PCMTD1: variants seen among roughly 807,000 people sequenced by gnomAD.
PCMTD1 encodes protein-L-isoaspartate O-methyltransferase domain-containing protein 1.
PCMTD1 carries 12 observed loss-of-function variants against 37.6 expected under a neutral mutation model. The observed-to-expected ratio is 0.32, with a 90% CI of 0.20 to 0.52. The LOEUF (loss-of-function observed/expected upper bound fraction) is 0.52. PCMTD1 is among the 20% of genes least tolerant of loss of function. The pLI is 0.97. For synonymous variants in PCMTD1, 117 were observed against 135.8 expected (o/e 0.86, Z 0.96); for missense variants, 235 against 421.3 (o/e 0.56, Z 3.87).
chr8:51,829,676 A>T (rs2037972097), intron 5 of PCMTD1, among the ~76,000 whole-genome samples: 1 of 152,128 alleles, frequency 6.6e-6, no homozygotes. Flanking sequence ...AGGCCGAGGC[A>T]GGAGAATTGC....
At chr8:51,853,914 T>C (rs1292096998) in intron 2 of PCMTD1, among the ~76,000 whole-genome samples, 1 of 152,164 alleles carries the variant, frequency 6.6e-6, no homozygotes, top group Non-Finnish European at 1.5e-5. Context: ...TGTTCCTCTC[T>C]GCAAGCTTGT....
At chr8:51,839,695 A>G (rs1420996400) in intron 3 of PCMTD1, 1 of 840,710 alleles carries the variant, frequency 1.2e-6, no homozygotes, top group African/African-American at 1.8e-5. Context: ...GGGGCTGACA[A>G]TTTGCACACC....
chr8:51,838,534 A>G (rs1182301637), intron 3 of PCMTD1, among the ~76,000 whole-genome samples: 2 of 152,022 alleles, frequency 1.3e-5, no homozygotes, highest in African/African-American at 4.8e-5. Context: ...ATATTTATAT[A>G]TATATTTATA....
chr8:51,898,087 A>G (rs887236754), intron 1 of PCMTD1, among the ~76,000 whole-genome samples: 4 of 152,190 alleles, frequency 2.6e-5, no homozygotes, highest in African/African-American at 7.2e-5. Flanking sequence ...AGGAGCAAGC[A>G]GTACTTTTGT....
At chr8:51,857,804 A>G (rs2038413344) in intron 2 of PCMTD1, among the ~76,000 whole-genome samples, 1 of 152,178 alleles carries the variant, frequency 6.6e-6, no homozygotes, top group Admixed American at 6.5e-5. Flanking sequence ...AATTCCCTAA[A>G]GTGTGCTTTA....
chr8:51,820,752 A>C, intron 5 of PCMTD1, 34 bp from the exon 6 acceptor site: 1 of 1,531,732 alleles, frequency 6.5e-7, no homozygotes, highest in Non-Finnish European at 8.8e-7. Context: ...GAAAGAAAAT[A>C]TTAACAATAA....
At position 51,818,156 on chromosome 8, in the gene PCMTD1, T is replaced by G; in HGVS notation, c.*2195A>C. ...ATCTGCATTAATAGATAAAAAGGCT[T>G]TAGCTTTAATTTTCATTTTTCATTT... On this transcript the variant is annotated 3_prime_UTR_variant, in exon 6 of 6. Transcript: ENST00000522514. 1 of 313,370 alleles carries G rather than the reference T, an allele frequency of 3.2e-6. No homozygotes were observed. Among genetic ancestry groups the G allele is most frequent in the Non-Finnish European group, 6.2e-6 (1 of 161,538 alleles). The allele number at this position is 313,370 out of a possible 1,614,324, so 19.4% of individuals were successfully genotyped here.
At chr8:51,876,554 A>G (rs2038715775) in intron 1 of PCMTD1, among the ~76,000 whole-genome samples, 1 of 152,236 alleles carries the variant, frequency 6.6e-6, no homozygotes, top group African/African-American at 2.4e-5. Flanking sequence ...CTAGCCAAAG[A>G]AAAGAAACTA....
intron 1 of PCMTD1, among the ~76,000 whole-genome samples, chr8:51,896,778 G>GA (rs1397358409): frequency 6.7e-6 from 1 of 148,820 alleles, no homozygotes; most frequent in South Asian, 2.1e-4. Flanking sequence ...AAAGAAAGCA[G>GA]AAAAAACCGT....
intron 1 of PCMTD1, among the ~76,000 whole-genome samples, chr8:51,865,255 GAACT>G (rs1310324218): frequency 1.3e-5 from 2 of 152,056 alleles, no homozygotes; most frequent in Non-Finnish European, 2.9e-5. Context: ...AACATTTAAA[GAACT>G]AATACCAATT....
chr8:51,872,836 CT>C (rs2038658340), intron 1 of PCMTD1, among the ~76,000 whole-genome samples: 1 of 152,148 alleles, frequency 6.6e-6, no homozygotes, highest in East Asian at 1.9e-4. Flanking sequence ...TATTAATGTA[CT>C]GTGGAATGCA....
intron 5 of PCMTD1, among the ~76,000 whole-genome samples, chr8:51,830,843 A>AC (rs1187485244): frequency 3.3e-5 from 5 of 152,106 alleles, no homozygotes; most frequent in African/African-American, 1.2e-4. Flanking sequence ...TTACCACCAT[A>AC]CCTACAGTAG....
In PCMTD1 at chr8:51,868,634, C is replaced by T. The variant is rs188380536; in HGVS notation, c.-95-7388G>A. 1.2e-4 allele frequency among the ~76,000 whole-genome samples: 19 copies of T among 152,126 alleles called. No homozygotes were observed. The East Asian group carries it at 3.1e-3, about 25-fold the overall frequency. ...GAAAATTTCCTAAGGAATAAAAATA[C>T]ATTTAATAAGACAGTCTAGGGCAGA... On this transcript the variant is annotated intron_variant, in intron 1 of 5. Transcript: ENST00000522514.
chr8:51,833,165 C>T (rs9643792), intron 4 of PCMTD1, among the ~76,000 whole-genome samples: 104,584 of 152,094 alleles, frequency 0.69, 42,401 homozygotes, highest in Non-Finnish European at 0.9. Flanking sequence ...TTCAGTATGT[C>T]CAAAGAACTG....
At chr8:51,871,477 T>C (rs760815667) in intron 1 of PCMTD1, among the ~76,000 whole-genome samples, 29 of 152,210 alleles carry the variant, frequency 1.9e-4, no homozygotes, top group Non-Finnish European at 2.4e-4. Flanking sequence ...AGCAGTCAGA[T>C]ACCAAAACTC....
intron 3 of PCMTD1, chr8:51,845,057 A>AT (rs1185661595): frequency 1.3e-5 from 2 of 152,254 alleles, no homozygotes; most frequent in Non-Finnish European, 2.9e-5. Flanking sequence ...GCAATGCAGA[A>AT]TTTTAGGATT....
chr8:51,820,267 T>G lies in PCMTD1; in HGVS notation c.*84A>C. 7.8e-7 allele frequency: 1 copy of G among 1,276,166 alleles called. No individual in the cohort carries two copies. Among genetic ancestry groups the G allele is most frequent in the South Asian group, 1.9e-5 (1 of 51,430 alleles). The allele number at this position is 1,276,166 out of a possible 1,614,324, so 79.1% of individuals were successfully genotyped here. On this transcript the variant is annotated 3_prime_UTR_variant, in exon 6 of 6. Transcript: ENST00000522514. ...CTATAATTTGCTCTGATGAAAGAAA[T>G]AATTCTCTCTTTTAACTCCTAACAA...
chr8:51,820,958 A>T (rs190872015), intron 5 of PCMTD1, among the ~76,000 whole-genome samples: 4 of 152,320 alleles, frequency 2.6e-5, no homozygotes, highest in Admixed American at 6.5e-5. Flanking sequence ...GTTGGCATTT[A>T]CATGCATAAA....
chr8:51,851,114 A>G (rs922281650), intron 2 of PCMTD1, among the ~76,000 whole-genome samples: 1 of 152,250 alleles, frequency 6.6e-6, no homozygotes, highest in African/African-American at 2.4e-5. Flanking sequence ...ACATGGGGAA[A>G]AACATCAAAC....
Sources: allele counts gnomAD v4.1 joint callset (sites outside exome capture counted in the v4.1 genomes callset), GRCh38; gene constraint gnomAD v4.1.1; transcripts MANE v1.5; gene names NCBI Gene and HGNC (gene_info 2026-07-23, HGNC 2026-07-21).